Variants in GGT7 observed in about 807,000 individuals in gnomAD.
The protein encoded by GGT7 is gamma-glutamyltransferase 7, also known as glutathione hydrolase 7.
Under a neutral mutation model 69.2 loss-of-function variants are expected in GGT7, and 30 were observed. The observed-to-expected ratio is 0.43, with a 90% confidence interval of 0.32 to 0.59. The LOEUF is 0.59. Ranked by LOEUF, GGT7 falls within the 20% of genes least tolerant of loss-of-function variation. The pLI, the probability that GGT7 is intolerant of heterozygous loss-of-function variation, is 0.05. For synonymous variants in GGT7, 388 were observed against 391.8 expected, an observed-to-expected ratio of 0.99 and a Z score of 0.12; for missense variants, 733 against 901.1, an observed-to-expected ratio of 0.81 and a Z score of 2.39.
chr20:34,869,162 A>AT (rs201426774), intron 1 of GGT7, among the ~76,000 whole-genome samples: 2,753 of 144,728 alleles, frequency 0.019, 85 homozygotes, highest in African/African-American at 0.074. Context: ...ATAAATAAAT[A>AT]AATATATATA....
chr20:34,850,821 T>C, intron 13 of GGT7: 1 of 532,630 alleles, frequency 1.9e-6, no homozygotes, highest in Non-Finnish European at 3.7e-6. Flanking sequence ...TATCAGGTTC[T>C]CAAGACATTC....
At position 34,863,699 on chromosome 20, in the gene GGT7, C is replaced by T. The variant is rs576195143; in HGVS notation, c.170-151G>A. 4.1e-6 allele frequency: 3 copies of T among 727,454 alleles called. No homozygotes were observed. The highest frequency in any genetic ancestry group is 3.0e-5 in the South Asian group (2 of 66,938). 45.1% of individuals were successfully genotyped at this position (727,454 alleles called of 1,614,324 possible). A position where few individuals can be genotyped will look rare whatever the true frequency, so the allele number is the denominator to read the frequency against. On this transcript the variant is annotated intron_variant, in intron 1 of 14. Transcript: ENST00000336431. The surrounding 1 kb of genome is among the most constrained non-coding windows in gnomAD (Gnocchi z 4.4). ...ACTCACCTTTCCTCATTTTCGCGTG[C>T]ACCCCAGGACAGGCGGGGCAACGGT...
chr20:34,860,684 C>T (rs1478609764), intron 4 of GGT7, among the ~76,000 whole-genome samples: 5 of 129,064 alleles, frequency 3.9e-5, no homozygotes, highest in Non-Finnish European at 6.2e-5. Context: ...GGCTGGAGTA[C>T]AGTGGCATAG....
intron 1 of GGT7, among the ~76,000 whole-genome samples, chr20:34,864,291 T>A (rs772264723): frequency 5.3e-5 from 8 of 151,950 alleles, no homozygotes; most frequent in Non-Finnish European, 1.0e-4. Context: ...GTGTGTGGAA[T>A]GTTCTGGAAA....
rs752433890 is a variant in GGT7, at chr20:34,859,479, G to A, written c.978C>T (p.Tyr326=). The part of the protein sequence containing the change: ...VLGTSGPAAF[Y]AGGNLTLEMV... ...TCTCCAGTGTGAGGTTGCCACCTGC[G>A]TAGAAGGCAGCCGGGCCGGAGGTGC... is the stretch of plus-strand genomic sequence containing the variant. The change falls in exon 7 of 15, where the codon TAC becomes TAT. Residue 326 remains tyrosine, a synonymous_variant. Transcript: ENST00000336431. 1.2e-5 allele frequency: 19 copies of A among 1,603,474 alleles called. No individual in the cohort carries two copies. Among genetic ancestry groups the A allele is most frequent in the Middle Eastern group, 1.7e-4 (1 of 6,054 alleles).
intron 1 of GGT7, among the ~76,000 whole-genome samples, chr20:34,870,034 C>T (rs1022578923): frequency 6.6e-6 from 1 of 152,180 alleles, no homozygotes; most frequent in Non-Finnish European, 1.5e-5. Context: ...GCTAGCTGGG[C>T]ACAACCAAGG....
At chr20:34,850,585 C>T (rs939697151) in intron 13 of GGT7, among the ~76,000 whole-genome samples, 1 of 152,218 alleles carries the variant, frequency 6.6e-6, no homozygotes, top group African/African-American at 2.4e-5. Flanking sequence ...AAATGGTTAA[C>T]ACACATAACA....
In GGT7 at chr20:34,864,725, G is replaced by GAA. The variant is rs368541649; in HGVS notation, c.170-1179_170-1178dup. On this transcript the variant is annotated intron_variant, in intron 1 of 14. Coordinates refer to ENST00000336431, the MANE Select transcript of GGT7 (RefSeq NM_178026.3). ...GACAGAGTGAGACTCTGTCTCAAAA[G>GAA]AAAAAAAAAAAAAAAGGAAGATATG... is the stretch of plus-strand genomic sequence containing the variant. Among the ~76,000 whole-genome samples, 271 of 119,204 alleles carry GAA rather than the reference G, an allele frequency of 2.3e-3. 1 individual carries two copies. The highest frequency in any genetic ancestry group is 0.013 in the Middle Eastern group (3 of 232). The allele number at this position is 119,204 out of a possible 152,430, so 78.2% of individuals were successfully genotyped here.
Position 34,845,165 on chromosome 20 carries a change from A to T in GGT7, c.*163T>A. ...CACCACCACCACCACAGGCCTCCTG[A>T]TGGAGAATTTTCCAGTTACTCTGGG... On this transcript the variant is annotated 3_prime_UTR_variant, in exon 15 of 15. Coordinates refer to ENST00000336431, the MANE Select transcript of GGT7 (RefSeq NM_178026.3). 2 of 297,578 alleles carry T rather than the reference A, an allele frequency of 6.7e-6. No individual in the cohort carries two copies. The highest frequency in any genetic ancestry group is 1.4e-3 in the Middle Eastern group (1 of 728). 18.4% of individuals were successfully genotyped at this position (297,578 alleles called of 1,614,324 possible). A position where few individuals can be genotyped will look rare whatever the true frequency, so the allele number is the denominator to read the frequency against.
chr20:34,859,940 T>C, intron 6 of GGT7, 29 bp downstream of exon 6: 1 of 1,430,818 alleles, frequency 7.0e-7, no homozygotes, highest in Non-Finnish European at 9.7e-7. Flanking sequence ...CAACCTCATG[T>C]CTCTCCCAAA....
chr20:34,853,134 G>A (rs956786790), intron 10 of GGT7, among the ~76,000 whole-genome samples: 4 of 152,002 alleles, frequency 2.6e-5, no homozygotes, highest in Middle Eastern at 3.4e-3. Flanking sequence ...TAGTAGAGAC[G>A]GGGTTTCACC....
At chr20:34,847,621 A>T (rs1489383560) in intron 14 of GGT7, among the ~76,000 whole-genome samples, 1 of 152,204 alleles carries the variant, frequency 6.6e-6, no homozygotes, top group Non-Finnish European at 1.5e-5. Flanking sequence ...AACGCTTCCT[A>T]ATCTCCTTCT....
intron 9 of GGT7, 65 bp from the exon 10 acceptor site, chr20:34,854,684 C>A (rs763548280): frequency 2.5e-6 from 4 of 1,579,680 alleles, no homozygotes; most frequent in African/African-American, 1.3e-5. Context: ...ACCCAGTGGA[C>A]TTTCGTGTGT....
chr20:34,850,025 C>A lies in GGT7; in HGVS notation c.1761G>T (p.Leu587=), dbSNP rs775486884. The change falls in exon 14 of 15, where the codon CTG becomes CTT. Residue 587 remains leucine (L), a synonymous_variant. Transcript: ENST00000336431. ...GGCGGCCGCGGGCCAGGCTGTCACT[C>A]AGGTTCCGGTTCAAGGTCAGGACAT... ...LLNVLTLNRN[L]SDSLARGRLH... 3 of 1,614,030 alleles carry A rather than the reference C, an allele frequency of 1.9e-6. No individual in the cohort carries two copies. The highest frequency in any genetic ancestry group is 2.2e-5 in the South Asian group (2 of 91,078).
intron 1 of GGT7, among the ~76,000 whole-genome samples, chr20:34,866,635 A>G (rs991841915): frequency 6.6e-6 from 1 of 151,466 alleles, no homozygotes; most frequent in Non-Finnish European, 1.5e-5. Flanking sequence ...GCTGGAGTGC[A>G]GTGGCGCAAT....
intron 10 of GGT7, 70 bp downstream of exon 10, chr20:34,854,461 G>T: frequency 1.1e-6 from 1 of 890,104 alleles, no homozygotes; most frequent in Non-Finnish European, 1.8e-6. Context: ...TATACCAGCT[G>T]CTTTTCTCCT....
rs1050220986 is a variant in GGT7 at position 34,863,923 on chromosome 20, G to A, written c.170-375C>T. Reference sequence around the variant, plus strand: ...GTTGGGGCCCAGCCTTCCATGCAAGGAGGCAGCTACATAAACAGAGTGGAG... The same window carrying A: ...GTTGGGGCCCAGCCTTCCATGCAAGAAGGCAGCTACATAAACAGAGTGGAG... On this transcript the variant is annotated intron_variant, in intron 1 of 14. Coordinates refer to ENST00000336431, the MANE Select transcript of GGT7 (RefSeq NM_178026.3). This position sits in a 1 kb window ranked among gnomAD's most constrained non-coding sequence, Gnocchi z 4.4. 7.2e-5 allele frequency among the ~76,000 whole-genome samples: 11 copies of A among 152,296 alleles called. No individual in the cohort carries two copies. Among genetic ancestry groups the A allele is most frequent in the African/African-American group, 2.6e-4 (11 of 41,562 alleles).
chr20:34,855,978 A>T (rs1018757743), intron 8 of GGT7, among the ~76,000 whole-genome samples: 4 of 152,118 alleles, frequency 2.6e-5, no homozygotes, highest in African/African-American at 9.7e-5. Flanking sequence ...TTTTTTATAG[A>T]GACGGTGTCT....
At chr20:34,862,351 G>T (rs2079610808) in intron 3 of GGT7, among the ~76,000 whole-genome samples, 1 of 152,216 alleles carries the variant, frequency 6.6e-6, no homozygotes, top group African/African-American at 2.4e-5. Flanking sequence ...AGACAGTTCA[G>T]TGTCTAAACC....
Sources: allele counts gnomAD v4.1 joint callset (sites outside exome capture counted in the v4.1 genomes callset), GRCh38; gene constraint gnomAD v4.1.1; non-coding constraint Gnocchi (gnomAD v3.1); transcripts MANE v1.5; gene names NCBI Gene and HGNC (gene_info 2026-07-23, HGNC 2026-07-21).